RRAGB: variants seen among roughly 807,000 people sequenced by gnomAD.
The protein encoded by RRAGB is Ras related GTP binding B.
In RRAGB, 6 loss-of-function variants were observed where a neutral mutation model predicts 29.3. The ratio of observed to expected loss-of-function variants is 0.21; its 90% CI spans 0.11 to 0.40. The LOEUF (loss-of-function observed/expected upper bound fraction) is 0.40. Ranked by LOEUF, RRAGB falls within the 10% of genes least tolerant of loss-of-function variation. The pLI is 1.00. For synonymous variants in RRAGB, 101 were observed against 92.5 expected (o/e 1.09, Z -0.53); for missense variants, 184 against 272.9 (o/e 0.67, Z 2.29).
chrX:55,751,776 T>C (rs905382127), intron 6 of RRAGB, among the ~76,000 whole-genome samples: 2 of 111,860 alleles, frequency 1.8e-5, no homozygotes, highest in Non-Finnish European at 3.8e-5. Context: ...TTATGGAGGT[T>C]ACAACAATAG....
At chrX:55,749,203 C>T (rs1337759110) in intron 5 of RRAGB, among the ~76,000 whole-genome samples, 1 of 90,582 alleles carries the variant, frequency 1.1e-5, no homozygotes, top group Admixed American at 1.1e-4. Context: ...GTCAGCCCCC[C>T]GCCTGGCCAG....
intron 2 of RRAGB, among the ~76,000 whole-genome samples, chrX:55,721,342 T>C (rs1602004054): frequency 8.9e-6 from 1 of 112,185 alleles, no homozygotes; most frequent in African/African-American, 3.2e-5. Flanking sequence ...GGTAAGACAC[T>C]TAAGTCAGCC....
At chrX:55,726,151 TAAAAA>T (rs58255567) in intron 3 of RRAGB, among the ~76,000 whole-genome samples, 1 of 103,519 alleles carries the variant, frequency 9.7e-6, no homozygotes, top group South Asian at 4.3e-4. Context: ...AGGAAAATGT[TAAAAA>T]AAAAAAGAAA....
intron 5 of RRAGB, among the ~76,000 whole-genome samples, chrX:55,746,498 C>G (rs185922170): frequency 8.9e-6 from 1 of 111,814 alleles, no homozygotes; most frequent in Admixed American, 9.5e-5. Flanking sequence ...GGCAGCAGTT[C>G]CCACTGAAAG....
At chrX:55,720,532 G>A (rs1292815157) in intron 2 of RRAGB, among the ~76,000 whole-genome samples, 1 of 111,373 alleles carries the variant, frequency 9.0e-6, no homozygotes, top group Admixed American at 9.5e-5. Context: ...TAGAACATAG[G>A]TTCCCTTCAT....
chrX:55,736,953 C>G (rs1035433617), intron 5 of RRAGB, among the ~76,000 whole-genome samples: 2 of 112,240 alleles, frequency 1.8e-5, no homozygotes, highest in African/African-American at 6.5e-5. Flanking sequence ...AAAGTGCATA[C>G]CACTGGGGAA....
chrX:55,748,052 T>C (rs2034316780), intron 5 of RRAGB, among the ~76,000 whole-genome samples: 1 of 112,568 alleles, frequency 8.9e-6, no homozygotes, highest in African/African-American at 3.2e-5. Context: ...ATTTTTTTGG[T>C]GGAGACAGGG....
chrX:55,741,566 C>T lies in RRAGB; in HGVS notation c.517-9535C>T, dbSNP rs778472894. ...TGGCAAATTGCAACAATACAAAAAC[C>T]GCACCTAGTTATTTTCTTCTATGTG... On this transcript the variant is annotated intron_variant, in intron 5 of 9. Coordinates refer to ENST00000374941, the MANE Select transcript of RRAGB (RefSeq NM_006064.5). Among the ~76,000 whole-genome samples, 14 of 111,499 alleles carry T rather than the reference C, an allele frequency of 1.3e-4. No homozygotes were observed. The South Asian group carries it at 4.2e-3, about 33-fold the overall frequency.
chrX:55,721,447 T>C (rs1254712658), intron 2 of RRAGB, among the ~76,000 whole-genome samples: 1 of 111,808 alleles, frequency 8.9e-6, no homozygotes, highest in East Asian at 2.8e-4. Flanking sequence ...GAAAAGAGAA[T>C]GGATAGTTTA....
chrX:55,743,161 G>C (rs1184383628), intron 5 of RRAGB, among the ~76,000 whole-genome samples: 1 of 112,540 alleles, frequency 8.9e-6, no homozygotes, highest in Non-Finnish European at 1.9e-5. Flanking sequence ...TTTATTTGCT[G>C]TGAAGTGAGT....
intron 5 of RRAGB, among the ~76,000 whole-genome samples, chrX:55,732,130 G>C (rs2033703668): frequency 8.9e-6 from 1 of 112,118 alleles, no homozygotes; most frequent in African/African-American, 3.2e-5. Flanking sequence ...CAAGATAGTG[G>C]AGTAGGAGAT....
At chrX:55,749,364 G>A (rs1172214078) in intron 5 of RRAGB, among the ~76,000 whole-genome samples, 1 of 99,741 alleles carries the variant, frequency 1.0e-5, no homozygotes, top group African/African-American at 3.6e-5. Flanking sequence ...GAGGGAGGTG[G>A]GGGGGTCAGC....
intron 4 of RRAGB, 33 bp downstream of exon 4, chrX:55,729,393 C>T (rs368767476): frequency 3.9e-5 from 38 of 971,811 alleles, no homozygotes; most frequent in Middle Eastern, 2.6e-4. Context: ...TTTGTGAAGC[C>T]GATGTCAGTA....
At chrX:55,740,235 A>G (rs1011373610) in intron 5 of RRAGB, among the ~76,000 whole-genome samples, 8 of 110,997 alleles carry the variant, frequency 7.2e-5, no homozygotes, top group Non-Finnish European at 1.1e-4. Flanking sequence ...AGGCAGGAGA[A>G]TGGCGTGAAC....
chrX:55,738,022 C>T (rs2033925111), intron 5 of RRAGB, among the ~76,000 whole-genome samples: 1 of 112,493 alleles, frequency 8.9e-6, no homozygotes, highest in Admixed American at 9.3e-5. Context: ...TGGATACCAG[C>T]AGTCTGCTGC....
intron 3 of RRAGB, chrX:55,727,539 C>G (rs751442966): frequency 5.4e-6 from 2 of 372,847 alleles, no homozygotes; most frequent in South Asian, 1.2e-4. Flanking sequence ...CCCCGCCCCC[C>G]CGCTTTCTTT....
intron 5 of RRAGB, among the ~76,000 whole-genome samples, chrX:55,741,299 TC>T (rs1303679516): frequency 1.8e-5 from 2 of 111,708 alleles, no homozygotes; most frequent in Non-Finnish European, 3.8e-5. Flanking sequence ...CGTTAGCAGT[TC>T]CTGAGCCAAA....
At chrX:55,742,640 A>G (rs1247900334) in intron 5 of RRAGB, among the ~76,000 whole-genome samples, 1 of 111,341 alleles carries the variant, frequency 9.0e-6, no homozygotes, top group African/African-American at 3.3e-5. Context: ...TGGAATCACT[A>G]TGTTTCCTGG....
rs763498967 is a variant in RRAGB at position 55,756,754 on chromosome X, C to G, written c.828-462C>G. 6.1e-4 allele frequency among the ~76,000 whole-genome samples: 68 copies of G among 112,121 alleles called. 1 individual carries two copies. The highest frequency in any genetic ancestry group is 5.1e-4 in the Non-Finnish European group (27 of 53,181). Reference sequence around the variant, plus strand: ...AAGTCTTCTGAAACATGATTTTAAACATGGATCTAGGTCTAAGCCAATTTT... The same window carrying G: ...AAGTCTTCTGAAACATGATTTTAAAGATGGATCTAGGTCTAAGCCAATTTT... On this transcript the variant is annotated intron_variant, in intron 8 of 9. Coordinates refer to ENST00000374941, the MANE Select transcript of RRAGB (RefSeq NM_006064.5).
Sources: gnomAD v4.1 joint callset for allele counts (sites outside exome capture counted in the v4.1 genomes callset) on GRCh38, gnomAD v4.1.1 for gene constraint, MANE v1.5 for transcripts, NCBI Gene and HGNC (gene_info 2026-07-23, HGNC 2026-07-21) for gene names.